PAPPA: variants seen among roughly 807,000 people sequenced by gnomAD.
The protein encoded by PAPPA is pappalysin 1.
In PAPPA, 60 loss-of-function variants were observed where a neutral mutation model predicts 164.0. The ratio of observed to expected loss-of-function variants is 0.37; its 90% confidence interval spans 0.30 to 0.45. PAPPA has a LOEUF of 0.45. Ranked by LOEUF, PAPPA falls within the 20% of genes least tolerant of loss-of-function variation. PAPPA has a pLI of 1.00. For missense variants in PAPPA, 1,782 were observed against 2,087.3 expected, an observed-to-expected ratio of 0.85 and a Z score of 2.85; for synonymous variants, 875 against 814.1, an observed-to-expected ratio of 1.07 and a Z score of -1.27.
rs1847012750 is a variant in PAPPA at position 116,399,272 on chromosome 9, G to C, written c.*2656G>C. 6.5e-6 allele frequency: 1 copy of C among 152,708 alleles called. No individual in the cohort carries two copies. Among genetic ancestry groups the C allele is most frequent in the Non-Finnish European group, 1.5e-5 (1 of 68,158 alleles). The allele number at this position is 152,708 out of a possible 1,614,324, so 9.5% of individuals were successfully genotyped here. A position where few individuals can be genotyped will look rare whatever the true frequency, so the allele number is the denominator to read the frequency against. ...AGACCCACCCAGTCTCTTTCATTCA[G>C]ACCTGTTGCTAACAAATTTATATTT... On this transcript the variant is annotated 3_prime_UTR_variant, in exon 22 of 22. Coordinates refer to ENST00000328252, the MANE Select transcript of PAPPA (RefSeq NM_002581.5).
At chr9:116,267,128 T>C (rs181378158) in intron 8 of PAPPA, among the ~76,000 whole-genome samples, 64 of 152,344 alleles carry the variant, frequency 4.2e-4, no homozygotes, top group Middle Eastern at 3.4e-3. Flanking sequence ...ATGAATCAAC[T>C]CGTAGGAGTA....
intron 10 of PAPPA, among the ~76,000 whole-genome samples, chr9:116,321,877 A>G (rs1845860674): frequency 6.6e-6 from 1 of 152,212 alleles, no homozygotes. Context: ...ACAAGAAACC[A>G]TAATGCAAGT....
intron 9 of PAPPA, among the ~76,000 whole-genome samples, chr9:116,273,745 G>C (rs2118829996): frequency 6.6e-6 from 1 of 152,218 alleles, no homozygotes; most frequent in East Asian, 1.9e-4. Flanking sequence ...TTGCATTCCA[G>C]CCTGGGTGAC....
intron 15 of PAPPA, among the ~76,000 whole-genome samples, chr9:116,351,782 C>T (rs1371201279): frequency 6.6e-6 from 1 of 152,174 alleles, no homozygotes. Context: ...TACATAGTAA[C>T]TGCCCAGTAG....
In PAPPA at chr9:116,235,121, C is replaced by T. The variant is rs759764329; in HGVS notation, c.2234-18C>T. The stretch of plus-strand genomic sequence containing the variant: ...AGCTCTTTCCCCAAGAACTCATTCC[C>T]TCATCTCTTCTGCATAGGTCATCCT... On this transcript the variant is annotated intron_variant, in intron 6 of 21. Coordinates refer to ENST00000328252, the MANE Select transcript of PAPPA (RefSeq NM_002581.5). The T allele has an allele frequency of 1.0e-4, 169 of 1,613,816 alleles. No homozygotes were observed. Among genetic ancestry groups the T allele is most frequent in the Non-Finnish European group, 1.3e-4 (159 of 1,179,896 alleles).
rs2118956527 is a variant in PAPPA, at chr9:116,334,933, A to G, written c.3470A>G (p.Tyr1157Cys). 3 of 1,611,604 alleles carry G rather than the reference A, an allele frequency of 1.9e-6. No homozygotes were observed. The highest frequency in any genetic ancestry group is 2.2e-5 in the East Asian group (1 of 44,718). The change falls in exon 13 of 22, where the codon TAC (tyrosine) becomes TGC (cysteine). Residue 1157 changes from tyrosine to cysteine, a missense_variant. Tyr to Cys is a radical substitution (Grantham distance 194, BLOSUM62 -2). Around this residue, in one of 2 missense-constraint regions of PAPPA, gnomAD observed 1,324 missense variants for 1,656.9 expected, o/e 0.80. Coordinates refer to ENST00000328252, the MANE Select transcript of PAPPA (RefSeq NM_002581.5). ...GTCCATGACCTCAGCCAGCCCTTCT[A>G]CCACAGCCAGGCGGTACGTGTGAGC... ...PVVHDLSQPF[Y>C]HSQAVRVSFS...
chr9:116,235,078 C>T, intron 6 of PAPPA, 61 bp from the exon 7 acceptor site: 1 of 1,599,264 alleles, frequency 6.3e-7, no homozygotes, highest in East Asian at 2.2e-5. Flanking sequence ...CCACAGGAAA[C>T]TCTAAGGATG....
intron 2 of PAPPA, among the ~76,000 whole-genome samples, chr9:116,202,610 G>T (rs1257663987): frequency 6.6e-6 from 1 of 152,252 alleles, no homozygotes; most frequent in Non-Finnish European, 1.5e-5. Context: ...TTGAGAGGCG[G>T]CTCAGGGGAA....
chr9:116,268,007 T>C (rs1476506547), intron 8 of PAPPA, among the ~76,000 whole-genome samples: 1 of 151,930 alleles, frequency 6.6e-6, no homozygotes, highest in Non-Finnish European at 1.5e-5. Context: ...GGAACATATA[T>C]GTATATTTAT....
At chr9:116,227,380 A>T in intron 5 of PAPPA, 51 bp from the exon 6 acceptor site, 5 of 1,605,290 alleles carry the variant, frequency 3.1e-6, no homozygotes, top group Non-Finnish European at 4.3e-6. Flanking sequence ...TCAGTTGCTC[A>T]TTCAACTGTT....
chr9:116,216,133 T>G (rs901032452), intron 4 of PAPPA, among the ~76,000 whole-genome samples: 1 of 152,170 alleles, frequency 6.6e-6, no homozygotes, highest in Non-Finnish European at 1.5e-5. Context: ...ATTACTATCA[T>G]TATTTTTAAA....
rs570392788 is a variant in PAPPA, at chr9:116,177,803, A to G, written c.416-9351A>G. On this transcript the variant is annotated intron_variant, in intron 1 of 21. Transcript: ENST00000328252. ...CACCAGGATCTGGTTTGTGCTGTGC[A>G]ACTTTCAAGGATGAACAATAGTTCA... Among the ~76,000 whole-genome samples, 23 of 152,324 alleles carry G rather than the reference A, an allele frequency of 1.5e-4. No homozygotes were observed. The South Asian group carries it at 1.9e-3, about 12-fold the overall frequency.
chr9:116,253,374 TA>T (rs1564199724), intron 7 of PAPPA, among the ~76,000 whole-genome samples: 1 of 152,054 alleles, frequency 6.6e-6, no homozygotes, highest in Non-Finnish European at 1.5e-5. Context: ...TACATTTTTT[TA>T]AAAAATTGAA....
intron 7 of PAPPA, among the ~76,000 whole-genome samples, chr9:116,265,029 C>A (rs543896281): frequency 6.6e-6 from 1 of 152,144 alleles, no homozygotes; most frequent in East Asian, 1.9e-4. Flanking sequence ...CTTGGAATTG[C>A]GATTCCCAGG....
intron 3 of PAPPA, among the ~76,000 whole-genome samples, 179 bp downstream of exon 3, chr9:116,207,780 A>G (rs1407827940): frequency 6.6e-6 from 1 of 152,202 alleles, no homozygotes; most frequent in Non-Finnish European, 1.5e-5. Flanking sequence ...CATTTTGACC[A>G]CCAAGCAATT....
Position 116,365,606 on chromosome 9 carries a change from G to T in PAPPA, c.4496-2039G>T, listed in dbSNP as rs12002699. Among the ~76,000 whole-genome samples the T allele has an allele frequency of 8.7e-3, 1,099 of 125,614 alleles. 12 individuals carry two copies. Among genetic ancestry groups the T allele is most frequent in the African/African-American group, 0.028 (1,040 of 36,832 alleles). 82.4% of individuals were successfully genotyped at this position (125,614 alleles called of 152,430 possible). A position where few individuals can be genotyped will look rare whatever the true frequency, so the allele number is the denominator to read the frequency against. On this transcript the variant is annotated intron_variant, in intron 18 of 21. Transcript: ENST00000328252. ...AGATAGCCTTTGTCTATTTCTCAGA[G>T]GCTGCATTTTTTTTTTTCAAAAGGA...
At chr9:116,212,574 A>T (rs1844321836) in intron 4 of PAPPA, among the ~76,000 whole-genome samples, 1 of 152,172 alleles carries the variant, frequency 6.6e-6, no homozygotes, top group East Asian at 1.9e-4. Flanking sequence ...GCAGGCCAGC[A>T]TCAAATTCTG....
rs1847042917 is a variant in PAPPA, at chr9:116,400,897, C to T, written c.*4281C>T. On this transcript the variant is annotated 3_prime_UTR_variant, in exon 22 of 22. Transcript: ENST00000328252. ...AGTTATCCAATTGCCTCTACATTTG[C>T]ATCAGTTTCTCTAGCTGCAAAATGG... 1 of 152,546 alleles carries T rather than the reference C, an allele frequency of 6.6e-6. No homozygotes were observed. The highest frequency in any genetic ancestry group is 2.4e-5 in the African/African-American group (1 of 41,432). The allele number at this position is 152,546 out of a possible 1,614,324, so 9.4% of individuals were successfully genotyped here.
rs1026810667 is a variant in PAPPA at position 116,334,982 on chromosome 9, C to G, written c.3519C>G (p.Ile1173Met). ...GCTTCAGTTCGCCCCTGGTCGCCAT[C>G]TCGGGGGTGGCCCTCCGTTCCTTCG... ...RVSFSSPLVA[I>M]SGVALRSFDN... Residue 1173 changes from isoleucine to methionine, a missense_variant, in exon 13 of 22, where the codon ATC becomes ATG. Coordinates refer to ENST00000328252, the MANE Select transcript of PAPPA (RefSeq NM_002581.5). 3 of 1,613,928 alleles carry G rather than the reference C, an allele frequency of 1.9e-6. No homozygotes were observed. The highest frequency in any genetic ancestry group is 1.3e-5 in the African/African-American group (1 of 74,896).
Sources: allele counts gnomAD v4.1 joint callset (sites outside exome capture counted in the v4.1 genomes callset), GRCh38; gene constraint gnomAD v4.1.1; regional missense constraint gnomAD v4.1.1; transcripts MANE v1.5; gene names NCBI Gene and HGNC (gene_info 2026-07-23, HGNC 2026-07-21).